Variants in KRT20 observed in about 807,000 individuals in gnomAD.
KRT20 encodes the protein keratin 20.
KRT20 carries 41 observed loss-of-function variants against 43.0 expected under a neutral mutation model. The ratio of observed to expected loss-of-function variants is 0.95; its 90% CI spans 0.74 to 1.24. The LOEUF is 1.24. KRT20 is among the 50% of genes most tolerant of loss of function. KRT20 has a pLI of 0.00. For synonymous variants in KRT20, 207 were observed against 200.6 expected (o/e 1.03, Z -0.27); for missense variants, 533 against 521.2 (o/e 1.02, Z -0.22).
In KRT20 at chr17:40,877,360, T is replaced by C. The variant is rs369825918; in HGVS notation, c.1177+20A>G. 1.1e-4 allele frequency: 172 copies of C among 1,525,392 alleles called. No homozygotes were observed. Among genetic ancestry groups the C allele is most frequent in the Non-Finnish European group, 1.5e-4 (167 of 1,139,400 alleles). The allele number at this position is 1,525,392 out of a possible 1,614,324, so 94.5% of individuals were successfully genotyped here. A position where few individuals can be genotyped will look rare whatever the true frequency, so the allele number is the denominator to read the frequency against. The stretch of plus-strand genomic sequence containing the variant: ...AAGCAGCTGAATGTCATAGAAAATG[T>C]GCAAAAATTTAGAACTTACCTCTCT... On this transcript the variant is annotated intron_variant, in intron 7 of 7. Transcript: ENST00000167588.
At chr17:40,882,823 C>A (rs1334969306) in intron 1 of KRT20, among the ~76,000 whole-genome samples, 169 bp from the exon 2 acceptor site, 3 of 152,016 alleles carry the variant, frequency 2.0e-5, no homozygotes, top group African/African-American at 7.2e-5. Context: ...AATTATCCTG[C>A]CTCAGCCTCC....
At position 40,878,314 on chromosome 17, in the gene KRT20, G is replaced by C. The variant is rs1907438694; in HGVS notation, c.970C>G (p.Gln324Glu). The C allele has an allele frequency of 6.2e-7, 1 of 1,614,086 alleles. No homozygotes were observed. Among genetic ancestry groups the C allele is most frequent in the East Asian group, 2.2e-5 (1 of 44,876 alleles). ...AACAGCGACTGGAGGTTGGCTAACT[G>C]GCTGCTGTAACGGGCCTTGGTCTCC... is the stretch of plus-strand genomic sequence containing the variant. ...LEETKARYSS[Q>E]LANLQSLLSS... Residue 324 changes from glutamine to glutamate, a missense_variant, in exon 6 of 8, where the codon CAG (glutamine) becomes GAG (glutamate). By Grantham distance (29) the Gln-to-Glu change is conservative. Transcript: ENST00000167588.
In KRT20 at chr17:40,885,221, A is replaced by G. The variant is rs764903551; in HGVS notation, c.-36T>C. 4.5e-6 allele frequency: 7 copies of G among 1,549,414 alleles called. No individual in the cohort carries two copies. ...AGGAGGGAGCACCTGTAGCTTCAGG[A>G]TGGTTGGGGCAGAGTGTGTCTCATG... On this transcript the variant is annotated 5_prime_UTR_variant, in exon 1 of 8. Transcript: ENST00000167588.
Position 40,878,125 on chromosome 17 carries a change from C to G in KRT20, c.1139+20G>C, listed in dbSNP as rs1462237720. 4 of 1,597,508 alleles carry G rather than the reference C, an allele frequency of 2.5e-6. No homozygotes were observed. In the South Asian group the frequency reaches 4.4e-5, roughly 18 times the overall value. On this transcript the variant is annotated intron_variant, in intron 6 of 7. Transcript: ENST00000167588. Reference sequence around the variant, plus strand: ...TGCATACAGATATTGACACCTATTCCTTGATTCTAAGAGCCTTACTTTACG... The same window carrying G: ...TGCATACAGATATTGACACCTATTCGTTGATTCTAAGAGCCTTACTTTACG...
chr17:40,876,342 A>C lies in KRT20; in HGVS notation c.*19T>G. On this transcript the variant is annotated 3_prime_UTR_variant, in exon 8 of 8. Transcript: ENST00000167588. ...AAATTTCTTTCAAAACCTCAGCAGC[A>C]TCTCCTTCTGGTAGCTATTTAGATA... is the stretch of plus-strand genomic sequence containing the variant. 1.0e-5 allele frequency: 14 copies of C among 1,402,104 alleles called. No individual in the cohort carries two copies. The highest frequency in any genetic ancestry group is 1.4e-5 in the African/African-American group (1 of 70,926). The allele number at this position is 1,402,104 out of a possible 1,614,324, so 86.9% of individuals were successfully genotyped here.
At chr17:40,876,483 G>A (rs1597849009) in intron 7 of KRT20, 25 bp from the exon 8 acceptor site, 1 of 1,330,274 alleles carries the variant, frequency 7.5e-7, no homozygotes, top group Non-Finnish European at 1.1e-6. Context: ...AACATTAAAT[G>A]TTAATTCAGG....
At chr17:40,877,775 G>A (rs1057195827) in intron 6 of KRT20, among the ~76,000 whole-genome samples, 2 of 152,148 alleles carry the variant, frequency 1.3e-5, no homozygotes, top group African/African-American at 2.4e-5. Context: ...ACTGGCTCCC[G>A]TGGACCTCAG....
At chr17:40,883,316 G>A (rs1249081201) in intron 1 of KRT20, among the ~76,000 whole-genome samples, 1 of 152,140 alleles carries the variant, frequency 6.6e-6, no homozygotes, top group Non-Finnish European at 1.5e-5. Context: ...CTGTGGTCTG[G>A]TGAACTCCCA....
Position 40,877,420 on chromosome 17 carries a change from G to A in KRT20, c.1140-3C>T. On this transcript the variant is annotated splice_region_variant and splice_polypyrimidine_tract_variant and intron_variant, in intron 6 of 7. Coordinates refer to ENST00000167588, the MANE Select transcript of KRT20 (RefSeq NM_019010.3). ...TGCTTAACTGATATTCTGTAGTTCTGTTTTTTTTTTTAATGAAAAGAAGAA... is the reference window on the plus strand; with the variant it reads ...TGCTTAACTGATATTCTGTAGTTCTATTTTTTTTTTTAATGAAAAGAAGAA... 1 of 1,219,380 alleles carries A rather than the reference G, an allele frequency of 8.2e-7. No individual in the cohort carries two copies. Among genetic ancestry groups the A allele is most frequent in the Non-Finnish European group, 1.1e-6 (1 of 915,730 alleles). The allele number at this position is 1,219,380 out of a possible 1,614,324, so 75.5% of individuals were successfully genotyped here.
chr17:40,879,727 G>A lies in KRT20; in HGVS notation c.918+86C>T, dbSNP rs554958801. 1.5e-5 allele frequency: 21 copies of A among 1,446,780 alleles called. No homozygotes were observed. In the African/African-American group the frequency reaches 2.4e-4, roughly 17 times the overall value. 89.6% of individuals were successfully genotyped at this position (1,446,780 alleles called of 1,614,324 possible). A position where few individuals can be genotyped will look rare whatever the true frequency, so the allele number is the denominator to read the frequency against. ...TCTGCAAGGGGAAGGGTTATTTCTT[G>A]TAGGTCTTTGCATTTCTATAGTTCC... On this transcript the variant is annotated intron_variant, in intron 5 of 7. Transcript: ENST00000167588.
At chr17:40,877,535 G>A (rs1457370211) in intron 6 of KRT20, 118 bp from the exon 7 acceptor site, 2 of 575,010 alleles carry the variant, frequency 3.5e-6, no homozygotes, top group Non-Finnish European at 5.8e-6. Context: ...ATGTGTTATT[G>A]CTTTCATATA....
chr17:40,882,818 T>A (rs376224289), intron 1 of KRT20, among the ~76,000 whole-genome samples, 164 bp from the exon 2 acceptor site: 2 of 152,096 alleles, frequency 1.3e-5, no homozygotes, highest in East Asian at 1.9e-4. Flanking sequence ...CAAGCAATTA[T>A]CCTGCCTCAG....
At chr17:40,880,582 G>A in intron 3 of KRT20, 32 bp downstream of exon 3, 1 of 1,592,646 alleles carries the variant, frequency 6.3e-7, no homozygotes. Context: ...CCATTCCATT[G>A]TTTCCAATAC....
intron 2 of KRT20, among the ~76,000 whole-genome samples, chr17:40,882,111 CAA>C: frequency 6.6e-6 from 1 of 152,280 alleles, no homozygotes; most frequent in South Asian, 2.1e-4. Context: ...CAGAAATCAT[CAA>C]GAGTCACCCC....
intron 2 of KRT20, 113 bp from the exon 3 acceptor site, chr17:40,880,883 A>G (rs953172088): frequency 4.4e-6 from 3 of 674,730 alleles, no homozygotes; most frequent in Non-Finnish European, 6.8e-6. Flanking sequence ...GATCAATTTC[A>G]ATACTTTATA....
chr17:40,880,568 A>AGGTATTG, intron 3 of KRT20, 46 bp downstream of exon 3: 7 of 1,544,542 alleles, frequency 4.5e-6, no homozygotes, highest in Non-Finnish European at 6.2e-6. Flanking sequence ...AGTATTATAT[A>AGGTATTG]GAACCATTCC....
chr17:40,880,374 A>T (rs1907542121), intron 3 of KRT20, 113 bp from the exon 4 acceptor site: 1 of 1,056,252 alleles, frequency 9.5e-7, no homozygotes, highest in East Asian at 2.5e-5. Context: ...TAAGTAAAAA[A>T]GATATAAAAT....
chr17:40,879,911 C>G lies in KRT20; in HGVS notation c.820G>C (p.Val274Leu). The G allele has an allele frequency of 6.2e-7, 1 of 1,613,668 alleles. No individual in the cohort carries two copies. The highest frequency in any genetic ancestry group is 8.5e-7 in the Non-Finnish European group (1 of 1,179,970). The part of the protein sequence containing the change: ...QTAVLQQQVT[V>L]NTEELKGTEV... ...GTTCCTTTTAATTCTTCAGTATTCA[C>G]TGTGACCTGTTGCTGCAGAACTGCA... Residue 274 changes from valine to leucine, a missense_variant, in exon 5 of 8, where the codon GTG becomes CTG. Physicochemically the swap from Val to Leu is conservative, Grantham distance 32. Transcript: ENST00000167588.
intron 2 of KRT20, among the ~76,000 whole-genome samples, chr17:40,881,227 CTGTGTG>C (rs34632722): frequency 1.8e-3 from 262 of 145,706 alleles, no homozygotes; most frequent in African/African-American, 4.5e-3. Flanking sequence ...TACATACACA[CTGTGTG>C]TGTGTGTGTG....
Sources: gnomAD v4.1 joint callset for allele counts (sites outside exome capture counted in the v4.1 genomes callset) on GRCh38, gnomAD v4.1.1 for gene constraint, MANE v1.5 for transcripts, NCBI Gene and HGNC (gene_info 2026-07-23, HGNC 2026-07-21) for gene names.